NDUFB6: variants seen among roughly 807,000 people sequenced by gnomAD.
NDUFB6 encodes the protein NADH dehydrogenase [ubiquinone] 1 beta subcomplex subunit 6.
Under a neutral mutation model 17.5 loss-of-function variants are expected in NDUFB6, and 23 were observed. That is an observed-to-expected ratio of 1.31 (90% CI 0.94 to 1.86). NDUFB6 has a LOEUF of 1.86. NDUFB6 is among the 40% of genes most tolerant of loss of function. NDUFB6 has a pLI of 0.00. For synonymous variants in NDUFB6, 60 were observed against 53.5 expected (o/e 1.12, Z -0.53); for missense variants, 167 against 153.8 (o/e 1.09, Z -0.46).
intron 2 of NDUFB6, among the ~76,000 whole-genome samples, chr9:32,570,098 C>T (rs1821906446): frequency 6.6e-6 from 1 of 152,180 alleles, no homozygotes; most frequent in South Asian, 2.1e-4. Flanking sequence ...TAATACCTGC[C>T]TCACCTCATT....
rs1193951975 is a variant in NDUFB6, at chr9:32,553,127, T to G, written c.*749A>C. The G allele has an allele frequency of 4.3e-6, 2 of 463,632 alleles. No individual in the cohort carries two copies. Among genetic ancestry groups the G allele is most frequent in the African/African-American group, 4.6e-5 (2 of 43,520 alleles). The allele number at this position is 463,632 out of a possible 1,614,324, so 28.7% of individuals were successfully genotyped here. ...TAACAGCAACCTAAATCTGACAGTC[T>G]TGAGTGTCAGATCATAGTTGGAATA... On this transcript the variant is annotated 3_prime_UTR_variant, in exon 4 of 4. Coordinates refer to ENST00000379847, the MANE Select transcript of NDUFB6 (RefSeq NM_002493.5).
At chr9:32,572,186 G>A (rs998216425) in intron 1 of NDUFB6, among the ~76,000 whole-genome samples, 1 of 152,232 alleles carries the variant, frequency 6.6e-6, no homozygotes, top group Non-Finnish European at 1.5e-5. Flanking sequence ...CCTGTCATCA[G>A]TAAGTGTTGC....
chr9:32,559,020 G>A (rs1821554777), intron 2 of NDUFB6, 66 bp from the exon 3 acceptor site: 3 of 1,141,466 alleles, frequency 2.6e-6, no homozygotes, highest in Non-Finnish European at 3.8e-6. Flanking sequence ...TAAGAAATAG[G>A]TCATACCCCA....
At chr9:32,570,842 A>G in intron 2 of NDUFB6, 118 bp downstream of exon 2, 2 of 597,566 alleles carry the variant, frequency 3.3e-6, no homozygotes, top group Non-Finnish European at 5.6e-6. Flanking sequence ...AGAGAATTCA[A>G]AGTACTTCAA....
At chr9:32,572,388 A>G (rs1387915023) in intron 1 of NDUFB6, among the ~76,000 whole-genome samples, 1 of 152,182 alleles carries the variant, frequency 6.6e-6, no homozygotes, top group African/African-American at 2.4e-5. Context: ...GTGACTCACA[A>G]GGCATACCAA....
At chr9:32,557,458 C>T (rs1280392586) in intron 3 of NDUFB6, among the ~76,000 whole-genome samples, 3 of 151,324 alleles carry the variant, frequency 2.0e-5, no homozygotes, top group South Asian at 2.1e-4. Flanking sequence ...CATGAGCCCC[C>T]GATACCCCCT....
At chr9:32,562,488 C>G (rs1821654084) in intron 2 of NDUFB6, among the ~76,000 whole-genome samples, 1 of 152,180 alleles carries the variant, frequency 6.6e-6, no homozygotes, top group East Asian at 1.9e-4. Context: ...TGTCAATAGG[C>G]TAACAGAAAG....
chr9:32,562,187 C>A (rs1821644891), intron 2 of NDUFB6, among the ~76,000 whole-genome samples: 1 of 152,164 alleles, frequency 6.6e-6, no homozygotes, highest in African/African-American at 2.4e-5. Flanking sequence ...CTTTTTTCCT[C>A]CGTACTCTTT....
intron 2 of NDUFB6, among the ~76,000 whole-genome samples, chr9:32,564,515 T>TA (rs1235296932): frequency 1.1e-4 from 17 of 150,748 alleles, no homozygotes; most frequent in African/African-American, 4.0e-4. Flanking sequence ...TTACACTTTT[T>TA]TAAAAAAAAG....
At chr9:32,556,452 G>C (rs982446204) in intron 3 of NDUFB6, among the ~76,000 whole-genome samples, 1 of 152,234 alleles carries the variant, frequency 6.6e-6, no homozygotes, top group Admixed American at 6.5e-5. Context: ...ACAGTAGTCT[G>C]TGATGTCAAC....
At chr9:32,564,171 T>C (rs888535344) in intron 2 of NDUFB6, among the ~76,000 whole-genome samples, 1 of 152,182 alleles carries the variant, frequency 6.6e-6, no homozygotes, top group African/African-American at 2.4e-5. Flanking sequence ...TCTATATCTA[T>C]TTCTAGGTCT....
At chr9:32,568,748 A>ATATATATATATATATTTTTTTTTTTTTTT (rs1213123923) in intron 2 of NDUFB6, 2 of 114,364 alleles carry the variant, frequency 1.7e-5, no homozygotes, top group African/African-American at 7.9e-5. Flanking sequence ...ATATATATAT[A>ATATATATATATATATTTTTTTTTTTTTTT]TTTTTTTTTT....
At chr9:32,566,372 T>C (rs568924593) in intron 2 of NDUFB6, 1 of 1,143,210 alleles carries the variant, frequency 8.7e-7, no homozygotes, top group Non-Finnish European at 1.3e-6. Context: ...TGCGTTTTTG[T>C]TTCCACTATG....
At chr9:32,556,655 G>A (rs1821463878) in intron 3 of NDUFB6, among the ~76,000 whole-genome samples, 1 of 152,142 alleles carries the variant, frequency 6.6e-6, no homozygotes, top group Non-Finnish European at 1.5e-5. Context: ...ATGGTCTTCT[G>A]AATAGAGCTC....
At chr9:32,554,228 TTG>T (rs1821390205) in intron 3 of NDUFB6, among the ~76,000 whole-genome samples, 1 of 152,210 alleles carries the variant, frequency 6.6e-6, no homozygotes, top group African/African-American at 2.4e-5. Context: ...ATCTTTTATT[TTG>T]TATGACCCCA....
intron 2 of NDUFB6, chr9:32,566,281 A>G: frequency 8.7e-7 from 1 of 1,153,930 alleles, no homozygotes; most frequent in Non-Finnish European, 1.3e-6. Context: ...TCTGAGGTAG[A>G]AAGCAGGCCA....
At chr9:32,561,471 G>C (rs1260928222) in intron 2 of NDUFB6, among the ~76,000 whole-genome samples, 1 of 152,046 alleles carries the variant, frequency 6.6e-6, no homozygotes, top group Non-Finnish European at 1.5e-5. Context: ...GGGATTACAG[G>C]CACATGCCAC....
Position 32,553,189 on chromosome 9 carries a change from A to T in NDUFB6, c.*687T>A, listed in dbSNP as rs771645352. 4.9e-5 allele frequency: 15 copies of T among 306,272 alleles called. 1 individual carries two copies. The highest frequency in any genetic ancestry group is 7.8e-5 in the Non-Finnish European group (13 of 166,668). The allele number at this position is 306,272 out of a possible 1,614,324, so 19.0% of individuals were successfully genotyped here. A position where few individuals can be genotyped will look rare whatever the true frequency, so the allele number is the denominator to read the frequency against. On this transcript the variant is annotated 3_prime_UTR_variant, in exon 4 of 4. Transcript: ENST00000379847. ...CAAGTTTCTAAATTCTTCAAAAATG[A>T]TTCGGAAAGCTTTTTTTTTTTTTGA... is the stretch of plus-strand genomic sequence containing the variant.
chr9:32,553,993 G>GTGA, intron 3 of NDUFB6, 49 bp from the exon 4 acceptor site: 1 of 1,182,148 alleles, frequency 8.5e-7, no homozygotes, highest in Non-Finnish European at 1.2e-6. Context: ...GTCTACAGAG[G>GTGA]TGATAGTTCT....
Sources: allele counts gnomAD v4.1 joint callset (sites outside exome capture counted in the v4.1 genomes callset), GRCh38; gene constraint gnomAD v4.1.1; transcripts MANE v1.5; gene names NCBI Gene and HGNC (gene_info 2026-07-23, HGNC 2026-07-21).